ARHGEF26: variants seen among roughly 807,000 people sequenced by gnomAD.
ARHGEF26 encodes the protein Rho guanine nucleotide exchange factor 26.
Under a neutral mutation model 89.4 loss-of-function variants are expected in ARHGEF26, and 59 were observed. The ratio of observed to expected loss-of-function variants is 0.66; its 90% CI spans 0.54 to 0.82. The LOEUF (loss-of-function observed/expected upper bound fraction) is 0.82, where lower values mean the gene tolerates loss of function less well. ARHGEF26 is among the 40% of genes least tolerant of loss of function. The pLI, the probability that ARHGEF26 is intolerant of heterozygous loss-of-function variation, is 0.00. For missense variants in ARHGEF26, 1,234 were observed against 1,085.6 expected (o/e 1.14, Z -1.92); for synonymous variants, 500 against 428.4 (o/e 1.17, Z -2.06).
chr3:154,154,211 A>G (rs1402940753), intron 6 of ARHGEF26, among the ~76,000 whole-genome samples: 1 of 152,094 alleles, frequency 6.6e-6, no homozygotes, highest in East Asian at 1.9e-4. Flanking sequence ...TTTTCTTGCT[A>G]TATGACATTT....
At chr3:154,252,418 AT>A (rs1479563655) in intron 12 of ARHGEF26, among the ~76,000 whole-genome samples, 2 of 152,320 alleles carry the variant, frequency 1.3e-5, no homozygotes, top group East Asian at 3.9e-4. Flanking sequence ...GGTGCTCAAA[AT>A]AAAAAACCAG....
intron 11 of ARHGEF26, among the ~76,000 whole-genome samples, chr3:154,234,926 C>T (rs529624939): frequency 5.3e-5 from 8 of 152,168 alleles, no homozygotes; most frequent in East Asian, 1.9e-4. Flanking sequence ...CCACCGCGCC[C>T]GGCTAATTTT....
intron 6 of ARHGEF26, among the ~76,000 whole-genome samples, chr3:154,167,747 C>T (rs191709190): frequency 1.3e-4 from 20 of 152,284 alleles, no homozygotes; most frequent in African/African-American, 4.8e-4. Flanking sequence ...TCTTGGATTT[C>T]CCTGCCTCTG....
chr3:154,235,705 A>G (rs769709116), intron 11 of ARHGEF26, among the ~76,000 whole-genome samples: 1 of 152,218 alleles, frequency 6.6e-6, no homozygotes, highest in Admixed American at 6.5e-5. Flanking sequence ...CCTATCATCC[A>G]TACTTAACAG....
chr3:154,246,155 G>A (rs753957908), intron 12 of ARHGEF26, among the ~76,000 whole-genome samples: 29 of 152,330 alleles, frequency 1.9e-4, no homozygotes, highest in South Asian at 4.1e-4. Flanking sequence ...CTTAGGTGGT[G>A]CAGAAAGACC....
At chr3:154,223,052 T>C (rs940210408) in intron 10 of ARHGEF26, among the ~76,000 whole-genome samples, 5 of 152,184 alleles carry the variant, frequency 3.3e-5, no homozygotes, top group African/African-American at 1.2e-4. Context: ...TCTTTAAAAG[T>C]TGCCTCTACA....
chr3:154,205,692 T>C (rs1217488152), intron 9 of ARHGEF26, among the ~76,000 whole-genome samples: 1 of 152,194 alleles, frequency 6.6e-6, no homozygotes, highest in Non-Finnish European at 1.5e-5. Flanking sequence ...TTGCAAATAT[T>C]ATAACCCATT....
intron 4 of ARHGEF26, among the ~76,000 whole-genome samples, chr3:154,138,011 A>C (rs1719122181): frequency 1.3e-5 from 2 of 152,174 alleles, no homozygotes; most frequent in African/African-American, 4.8e-5. Context: ...ATATTTATGT[A>C]AATATACAGA....
At chr3:154,213,241 G>GTGTATATATATA (rs1553747909) in intron 9 of ARHGEF26, among the ~76,000 whole-genome samples, 33 of 145,656 alleles carry the variant, frequency 2.3e-4, no homozygotes, top group South Asian at 6.9e-4. Context: ...GTGTGTGTGT[G>GTGTATATATATA]TATATATATA....
intron 3 of ARHGEF26, among the ~76,000 whole-genome samples, chr3:154,125,423 A>C (rs1434928466): frequency 1.3e-5 from 2 of 152,148 alleles, no homozygotes. Flanking sequence ...CATCTCCCTA[A>C]TTTTATAATT....
Position 154,240,483 on chromosome 3 carries a change from A to G in ARHGEF26, c.2204A>G (p.Tyr735Cys). 1.2e-6 allele frequency: 2 copies of G among 1,613,348 alleles called. No homozygotes were observed. The highest frequency in any genetic ancestry group is 1.7e-5 in the Admixed American group (1 of 59,958). Residue 735 changes from tyrosine (Y) to cysteine (C), a missense_variant, in exon 12 of 15, where the codon TAT (tyrosine) becomes TGT (cysteine). Transcript: ENST00000465093. ...GGGAAGAACAGCTCCACAATGCTCT[A>G]TTCAAGACAGAGCTCTGCCAGTCAC... is the stretch of plus-strand genomic sequence containing the variant. ...SPGKNSSTML[Y>C]SRQSSASHLF...
chr3:154,198,796 T>C (rs574609272), intron 9 of ARHGEF26, among the ~76,000 whole-genome samples: 1 of 152,218 alleles, frequency 6.6e-6, no homozygotes, highest in East Asian at 1.9e-4. Context: ...AGGTGATGGG[T>C]ACACCAAAAT....
chr3:154,149,357 A>G (rs1258967612), intron 4 of ARHGEF26, 32 bp from the exon 5 acceptor site: 2 of 1,571,512 alleles, frequency 1.3e-6, no homozygotes. Context: ...GTATTAATAA[A>G]TGAGTCAACT....
rs1389911448 is a variant in ARHGEF26 at position 154,257,626 on chromosome 3, C to A, written c.*2153C>A. On this transcript the variant is annotated 3_prime_UTR_variant, in exon 15 of 15. Transcript: ENST00000465093. ...GTTGTTATATGGCAAGTATTTAACA[C>A]ATTCACAGTGTTTGTTTGATTTCAA... The A allele has an allele frequency of 6.7e-6, 1 of 150,172 alleles. No individual in the cohort carries two copies. Among genetic ancestry groups the A allele is most frequent in the African/African-American group, 2.5e-5 (1 of 40,250 alleles). 9.3% of individuals were successfully genotyped at this position (150,172 alleles called of 1,614,324 possible).
chr3:154,235,101 A>AT (rs978508572), intron 11 of ARHGEF26, among the ~76,000 whole-genome samples: 14 of 149,310 alleles, frequency 9.4e-5, no homozygotes, highest in African/African-American at 2.5e-4. Context: ...CTGCATGTTT[A>AT]TTTTTTTTCC....
chr3:154,250,502 A>G (rs1481310201), intron 12 of ARHGEF26, among the ~76,000 whole-genome samples: 2 of 152,186 alleles, frequency 1.3e-5, no homozygotes, highest in African/African-American at 2.4e-5. Flanking sequence ...CATGTCTAAG[A>G]GATGCTATTA....
chr3:154,136,791 T>C lies in ARHGEF26; in HGVS notation c.1269+7072T>C, dbSNP rs149550201. Among the ~76,000 whole-genome samples, 125 of 152,360 alleles carry C rather than the reference T, an allele frequency of 8.2e-4. 1 individual carries two copies. Among genetic ancestry groups the C allele is most frequent in the African/African-American group, 3.0e-3 (123 of 41,590 alleles). On this transcript the variant is annotated intron_variant, in intron 4 of 14. Coordinates refer to ENST00000465093, the MANE Select transcript of ARHGEF26 (RefSeq NM_015595.4). Reference sequence around the variant, plus strand: ...AATAGTAATTTCTGTAGTTTTATAATTTTTCATTTACAGTTTGGCAACGCA... The same window carrying C: ...AATAGTAATTTCTGTAGTTTTATAACTTTTCATTTACAGTTTGGCAACGCA...
At chr3:154,186,136 G>GATACACACACAC in intron 6 of ARHGEF26, among the ~76,000 whole-genome samples, 1 of 147,036 alleles carries the variant, frequency 6.8e-6, no homozygotes, top group South Asian at 2.2e-4. Context: ...CACACACTTA[G>GATACACACACAC]ACACACACAC....
Position 154,255,900 on chromosome 3 carries a change from T to G in ARHGEF26, c.*427T>G, listed in dbSNP as rs190908841. 1.0e-6 allele frequency: 1 copy of G among 989,854 alleles called. No individual in the cohort carries two copies. The highest frequency in any genetic ancestry group is 1.7e-5 in the African/African-American group (1 of 57,410). The allele number at this position is 989,854 out of a possible 1,614,324, so 61.3% of individuals were successfully genotyped here. ...CAAGATTGTATATCTGTAAAGAATG[T>G]CCAGTTTTGTAAATATTTCCCTGCC... is the stretch of plus-strand genomic sequence containing the variant. On this transcript the variant is annotated 3_prime_UTR_variant, in exon 15 of 15. Coordinates refer to ENST00000465093, the MANE Select transcript of ARHGEF26 (RefSeq NM_015595.4).
Sources: gnomAD v4.1 joint callset for allele counts (sites outside exome capture counted in the v4.1 genomes callset) on GRCh38, gnomAD v4.1.1 for gene constraint, MANE v1.5 for transcripts, NCBI Gene and HGNC (gene_info 2026-07-23, HGNC 2026-07-21) for gene names.